ERBB4: variants seen among roughly 807,000 people sequenced by gnomAD.
The protein encoded by ERBB4 is receptor tyrosine-protein kinase erbB-4.
Under a neutral mutation model 158.0 loss-of-function variants are expected in ERBB4, and 42 were observed. The ratio of observed to expected loss-of-function variants is 0.27; its 90% CI spans 0.21 to 0.34. The LOEUF (loss-of-function observed/expected upper bound fraction) is 0.34, where lower values mean the gene tolerates loss of function less well. ERBB4 is among the 10% of genes least tolerant of loss of function. The probability of loss-of-function intolerance (pLI) is 1.00; values close to 1 mark genes in which losing one functional copy is unlikely to be tolerated. For synonymous variants in ERBB4, 583 were observed against 558.7 expected (o/e 1.04, Z -0.61); for missense variants, 1,333 against 1,624.1 (o/e 0.82, Z 3.08).
chr2:212,057,095 A>C (rs2077601323), intron 2 of ERBB4, among the ~76,000 whole-genome samples: 2 of 152,214 alleles, frequency 1.3e-5, no homozygotes, highest in Non-Finnish European at 2.9e-5. Context: ...TCTACCAAGC[A>C]AATGGAAAAC....
At chr2:211,415,156 G>A (rs1971122) in intron 25 of ERBB4, among the ~76,000 whole-genome samples, 1 of 110,722 alleles carries the variant, frequency 9.0e-6, no homozygotes, top group South Asian at 3.1e-4. Context: ...TCGCTCTGTC[G>A]CCCAGGCTGG....
chr2:212,391,701 A>T (rs896185805), intron 1 of ERBB4, among the ~76,000 whole-genome samples: 7 of 94,990 alleles, frequency 7.4e-5, no homozygotes, highest in East Asian at 6.6e-4. Context: ...TATATTATAT[A>T]TTATATATAT....
At chr2:212,446,622 T>TATATATATATATATATAC (rs2092361180) in intron 1 of ERBB4, among the ~76,000 whole-genome samples, 1 of 83,744 alleles carries the variant, frequency 1.2e-5, no homozygotes, top group South Asian at 4.0e-4. Context: ...TATATATATA[T>TATATATATATATATATAC]ATATATATAT....
chr2:212,294,906 T>A (rs991277613), intron 1 of ERBB4, among the ~76,000 whole-genome samples: 1 of 152,070 alleles, frequency 6.6e-6, no homozygotes, highest in Non-Finnish European at 1.5e-5. Flanking sequence ...CTCATTCAGG[T>A]TCACTTCCAT....
chr2:211,703,988 G>C lies in ERBB4; in HGVS notation c.1289+116C>G, dbSNP rs142748182. On this transcript the variant is annotated intron_variant, in intron 11 of 27. Transcript: ENST00000342788. The stretch of plus-strand genomic sequence containing the variant: ...GAGCTTATCTTTGGAAATAAGGATG[G>C]AAGCATGATTTCCCCAGAATCAGTA... 247 of 760,058 alleles carry C rather than the reference G, an allele frequency of 3.2e-4. No homozygotes were observed. The East Asian group carries it at 5.8e-3, about 18-fold the overall frequency. 47.1% of individuals were successfully genotyped at this position (760,058 alleles called of 1,614,324 possible).
At chr2:211,802,116 G>A (rs1463143836) in intron 3 of ERBB4, among the ~76,000 whole-genome samples, 5 of 152,118 alleles carry the variant, frequency 3.3e-5, no homozygotes, top group Admixed American at 2.0e-4. Flanking sequence ...AAAATTAGCC[G>A]GGTGCGGTGG....
chr2:211,981,559 T>C (rs747932624), intron 2 of ERBB4, among the ~76,000 whole-genome samples: 5 of 152,176 alleles, frequency 3.3e-5, no homozygotes, highest in Non-Finnish European at 7.3e-5. Flanking sequence ...ACTGAACTTG[T>C]TTCATTTTCC....
At chr2:211,675,215 G>A (rs550456601) in intron 13 of ERBB4, among the ~76,000 whole-genome samples, 702 of 5,232 alleles carry the variant, frequency 0.13, 3 homozygotes, top group Non-Finnish European at 0.24. Context: ...TGGATAGGGA[G>A]CTTTGTTCCC....
intron 7 of ERBB4, among the ~76,000 whole-genome samples, chr2:211,716,480 T>C (rs2073911009): frequency 7.1e-6 from 1 of 141,534 alleles, no homozygotes; most frequent in Non-Finnish European, 1.5e-5. Context: ...ATCGAGACCA[T>C]CCCGGCTAAC....
At chr2:211,384,129 A>G (rs540009060) in intron 27 of ERBB4, 69 bp from the exon 28 acceptor site, 20 of 1,138,692 alleles carry the variant, frequency 1.8e-5, no homozygotes, top group Non-Finnish European at 2.6e-5. Flanking sequence ...AAGGTTATAC[A>G]TAATGGTTAG....
At chr2:211,770,031 T>C (rs565561842) in intron 4 of ERBB4, among the ~76,000 whole-genome samples, 1 of 152,346 alleles carries the variant, frequency 6.6e-6, no homozygotes, top group East Asian at 1.9e-4. Flanking sequence ...AGTGTTTTAC[T>C]TGGAGAAAAT....
intron 1 of ERBB4, among the ~76,000 whole-genome samples, chr2:212,133,703 G>A (rs769136892): frequency 2.6e-5 from 4 of 151,324 alleles, no homozygotes; most frequent in Non-Finnish European, 4.4e-5. Flanking sequence ...GGTGGCTCAC[G>A]CCTGAAATCC....
intron 1 of ERBB4, among the ~76,000 whole-genome samples, chr2:212,449,630 T>C (rs189557347): frequency 1.9e-3 from 286 of 152,214 alleles, no homozygotes; most frequent in African/African-American, 6.6e-3. Flanking sequence ...ATTATTTGTA[T>C]TTACCTAAGC....
chr2:211,683,742 G>GTTT (rs34673905), intron 12 of ERBB4, among the ~76,000 whole-genome samples: 65 of 144,878 alleles, frequency 4.5e-4, no homozygotes, highest in African/African-American at 1.5e-3. Context: ...TTTAGTCAGG[G>GTTT]TTTTTTTTTT....
At chr2:212,457,617 C>T (rs934924404) in intron 1 of ERBB4, among the ~76,000 whole-genome samples, 8 of 152,024 alleles carry the variant, frequency 5.3e-5, no homozygotes, top group Non-Finnish European at 1.2e-4. Context: ...ATTACTTCTA[C>T]ATCTGTTATC....
At chr2:212,040,518 C>T (rs888300953) in intron 2 of ERBB4, among the ~76,000 whole-genome samples, 12 of 152,030 alleles carry the variant, frequency 7.9e-5, no homozygotes, top group African/African-American at 1.9e-4. Context: ...TACTTCAGCA[C>T]GGATAAGAGT....
At chr2:211,882,912 A>T (rs2078700761) in intron 3 of ERBB4, among the ~76,000 whole-genome samples, 1 of 152,124 alleles carries the variant, frequency 6.6e-6, no homozygotes, top group African/African-American at 2.4e-5. Context: ...TTGGGTTCTA[A>T]TATCTACTGA....
At chr2:211,772,609 C>T (rs974532663) in intron 4 of ERBB4, among the ~76,000 whole-genome samples, 3 of 150,952 alleles carry the variant, frequency 2.0e-5, no homozygotes, top group Non-Finnish European at 4.4e-5. Context: ...TCCAAATAAC[C>T]ATTCTTATTA....
At chr2:211,398,284 C>A (rs187965606) in intron 25 of ERBB4, among the ~76,000 whole-genome samples, 250 of 152,214 alleles carry the variant, frequency 1.6e-3, no homozygotes, top group Middle Eastern at 3.4e-3. Flanking sequence ...ATCCTCATGG[C>A]CACTATTTCA....
Sources: allele counts gnomAD v4.1 joint callset (sites outside exome capture counted in the v4.1 genomes callset), GRCh38; gene constraint gnomAD v4.1.1; transcripts MANE v1.5; gene names NCBI Gene and HGNC (gene_info 2026-07-23, HGNC 2026-07-21).